STARD13: variants seen among roughly 807,000 people sequenced by gnomAD.
The protein encoded by STARD13 is StAR related lipid transfer domain containing 13.
Under a neutral mutation model 106.4 loss-of-function variants are expected in STARD13, and 62 were observed. The observed-to-expected ratio is 0.58, with a 90% CI of 0.48 to 0.72. STARD13 has a LOEUF of 0.72. Among genes scored for constraint, STARD13 ranks in the 30% least tolerant of loss-of-function variants. STARD13 has a pLI of 0.00. For missense variants in STARD13, 1,387 were observed against 1,424.0 expected, an observed-to-expected ratio of 0.97 and a Z score of 0.42; for synonymous variants, 565 against 553.0, an observed-to-expected ratio of 1.02 and a Z score of -0.31.
intron 1 of STARD13, among the ~76,000 whole-genome samples, chr13:33,207,287 C>T (rs1225498689): frequency 6.6e-6 from 1 of 152,144 alleles, no homozygotes; most frequent in African/African-American, 2.4e-5. Flanking sequence ...AGTTTGATAC[C>T]TTAGTTCTCC....
At chr13:33,176,119 T>C (rs960127554) in intron 1 of STARD13, among the ~76,000 whole-genome samples, 4 of 152,222 alleles carry the variant, frequency 2.6e-5, no homozygotes, top group African/African-American at 9.6e-5. Flanking sequence ...TCTGCAAGGC[T>C]TTCTGCATGT....
chr13:33,415,181 A>T, the STARD13 span, among the ~76,000 whole-genome samples: 1 of 152,164 alleles, frequency 6.6e-6, no homozygotes, highest in Non-Finnish European at 1.5e-5. Flanking sequence ...ATCCTGGCTA[A>T]CACGGTGAAA....
chr13:33,584,551 A>C, the STARD13 span, among the ~76,000 whole-genome samples: 1 of 152,008 alleles, frequency 6.6e-6, no homozygotes, highest in African/African-American at 2.4e-5. Context: ...TCATTTCCAC[A>C]TGAGATTTGG....
chr13:33,225,660 C>T (rs1451435534), intron 1 of STARD13, among the ~76,000 whole-genome samples: 4 of 151,990 alleles, frequency 2.6e-5, no homozygotes, highest in African/African-American at 9.7e-5. Context: ...TATTAAACAC[C>T]TAGCTTTCTC....
intron 1 of STARD13, among the ~76,000 whole-genome samples, chr13:33,233,561 T>C (rs1033722222): frequency 6.6e-6 from 1 of 152,210 alleles, no homozygotes; most frequent in Non-Finnish European, 1.5e-5. Flanking sequence ...CATCCTTCAG[T>C]TGTTCACATG....
chr13:33,608,393 TG>T, the STARD13 span, among the ~76,000 whole-genome samples: 1 of 151,926 alleles, frequency 6.6e-6, no homozygotes, highest in Non-Finnish European at 1.5e-5. Flanking sequence ...TGAAATATTA[TG>T]AAAGAGTAAA....
the STARD13 span, among the ~76,000 whole-genome samples, chr13:33,542,336 A>T: frequency 7.9e-5 from 12 of 152,346 alleles, no homozygotes; most frequent in East Asian, 2.3e-3. Flanking sequence ...CTAAGAAAAC[A>T]GTACAGATCC....
chr13:33,597,574 G>A, the STARD13 span, among the ~76,000 whole-genome samples: 6 of 151,930 alleles, frequency 3.9e-5, no homozygotes, highest in South Asian at 4.1e-4. Flanking sequence ...AACCAGGCGC[G>A]GTGGCTCACG....
At chr13:33,524,742 G>A in the STARD13 span, among the ~76,000 whole-genome samples, 2 of 151,926 alleles carry the variant, frequency 1.3e-5, no homozygotes, top group African/African-American at 4.8e-5. Flanking sequence ...AATTAAAATT[G>A]TATATATTTA....
the STARD13 span, chr13:33,520,071 G>A: frequency 2.6e-5 from 4 of 152,166 alleles, no homozygotes; most frequent in Non-Finnish European, 5.9e-5. Context: ...GGCTGCCCAG[G>A]TCTGCGGAGT....
rs538409442 is a variant in STARD13 at position 33,180,329 on chromosome 13, C to T, written c.170-12707G>A. ...ACAGTATTGCGATTATGGTTTACAA[C>T]GTGCTTACCAGTTAATAAGTAAAAT... On this transcript the variant is annotated intron_variant, in intron 1 of 13. Transcript: ENST00000336934. 5 of 152,282 alleles carry T rather than the reference C, an allele frequency of 3.3e-5. No individual in the cohort carries two copies. The East Asian group carries it at 7.7e-4, about 24-fold the overall frequency. The allele number at this position is 152,282 out of a possible 1,614,324, so 9.4% of individuals were successfully genotyped here. A position where few individuals can be genotyped will look rare whatever the true frequency, so the allele number is the denominator to read the frequency against.
the STARD13 span, among the ~76,000 whole-genome samples, chr13:33,671,922 G>C: frequency 6.6e-6 from 1 of 152,154 alleles, no homozygotes; most frequent in Non-Finnish European, 1.5e-5. Context: ...GTTGGTGGGA[G>C]TGTAAATTAG....
At chr13:33,402,790 C>T in the STARD13 span, among the ~76,000 whole-genome samples, 3 of 152,152 alleles carry the variant, frequency 2.0e-5, no homozygotes, top group African/African-American at 4.8e-5. Flanking sequence ...TGGGGGTGGC[C>T]GGAGGGCAGT....
chr13:33,385,864 CAAAAA>C, the STARD13 span, among the ~76,000 whole-genome samples: 1 of 124,040 alleles, frequency 8.1e-6, no homozygotes, highest in East Asian at 2.2e-4. Context: ...AAAAAAAAAA[CAAAAA>C]AAAAAAAATT....
the STARD13 span, among the ~76,000 whole-genome samples, chr13:33,465,298 C>G: frequency 1.7e-4 from 25 of 151,060 alleles, no homozygotes; most frequent in African/African-American, 5.6e-4. Flanking sequence ...CTCCGCCTCC[C>G]GGGTTCACGC....
At chr13:33,519,222 TTC>T in the STARD13 span, among the ~76,000 whole-genome samples, 1 of 142,294 alleles carries the variant, frequency 7.0e-6, no homozygotes, top group Non-Finnish European at 1.5e-5. Flanking sequence ...CTTTCTTTCT[TTC>T]TTTCTTTCTT....
intron 1 of STARD13, among the ~76,000 whole-genome samples, chr13:33,175,001 G>A (rs1463873391): frequency 6.6e-6 from 1 of 152,100 alleles, no homozygotes; most frequent in Admixed American, 6.6e-5. Context: ...AGTGAATGAG[G>A]AAACTCATCA....
chr13:33,564,383 C>T, the STARD13 span, among the ~76,000 whole-genome samples: 9 of 144,444 alleles, frequency 6.2e-5, 3 homozygotes, highest in South Asian at 4.4e-4. Flanking sequence ...AAAAAGACAA[C>T]GAAAAATGGA....
chr13:33,566,932 T>G, the STARD13 span, among the ~76,000 whole-genome samples: 9 of 148,132 alleles, frequency 6.1e-5, 1 homozygote, highest in Non-Finnish European at 1.3e-4. Context: ...TGGCTTCAGT[T>G]TTCACTTCTT....
Sources: allele counts gnomAD v4.1 joint callset (sites outside exome capture counted in the v4.1 genomes callset), GRCh38; gene constraint gnomAD v4.1.1; transcripts MANE v1.5; gene names NCBI Gene and HGNC (gene_info 2026-07-23, HGNC 2026-07-21).